The following TOP1MT variants were observed in gnomAD, a reference collection of about 807,000 sequenced individuals.
TOP1MT encodes the protein DNA topoisomerase I, mitochondrial.
In TOP1MT, 80 loss-of-function variants were observed where a neutral mutation model predicts 73.9. The ratio of observed to expected loss-of-function variants is 1.08; its 90% CI spans 0.90 to 1.30. The LOEUF is 1.30. Among genes scored for constraint, TOP1MT ranks in the 50% most tolerant of loss-of-function variants. The probability of loss-of-function intolerance (pLI) is 0.00; values close to 1 mark genes in which losing one functional copy is unlikely to be tolerated. For missense variants in TOP1MT, 815 were observed against 808.0 expected (o/e 1.01, Z -0.10); for synonymous variants, 338 against 326.4 (o/e 1.04, Z -0.38).
intron 11 of TOP1MT, 36 bp from the exon 12 acceptor site, chr8:143,315,857 C>T: frequency 6.2e-7 from 1 of 1,607,720 alleles, no homozygotes; most frequent in Non-Finnish European, 8.5e-7. Flanking sequence ...CTGCCCCTCC[C>T]CATCCCGCAC....
upstream of TOP1MT, among the ~76,000 whole-genome samples, chr8:143,345,808 A>G (rs536988204): frequency 2.2e-4 from 34 of 152,366 alleles, no homozygotes; most frequent in Non-Finnish European, 4.1e-4. Flanking sequence ...GAAGTCCCAC[A>G]AAGCATTTAC....
At chr8:143,356,346 T>C (rs1017943), upstream of TOP1MT, among the ~76,000 whole-genome samples, 34,240 of 152,240 alleles carry the variant, frequency 0.22, 7,273 homozygotes, top group African/African-American at 0.57. Flanking sequence ...TTCTACACCC[T>C]ACACACGACC....
chr8:143,328,637 C>G (rs1816766885), intron 3 of TOP1MT, among the ~76,000 whole-genome samples: 1 of 152,240 alleles, frequency 6.6e-6, no homozygotes, highest in Non-Finnish European at 1.5e-5. Context: ...CATATGTGCC[C>G]TCACCCACGT....
At chr8:143,356,815 C>G (rs547336643), upstream of TOP1MT, among the ~76,000 whole-genome samples, 229 of 138,416 alleles carry the variant, frequency 1.7e-3, 3 homozygotes, top group African/African-American at 6.5e-3. Flanking sequence ...AAAAAAAGAC[C>G]ACATGCAGTG....
At chr8:143,356,301 A>G (rs1017942), upstream of TOP1MT, among the ~76,000 whole-genome samples, 91,806 of 152,110 alleles carry the variant, frequency 0.6, 31,813 homozygotes, top group South Asian at 0.84. Flanking sequence ...CCCAGGATGG[A>G]CAAGCGTGCA....
Position 143,321,421 on chromosome 8 carries a change from G to A in TOP1MT, c.961-35C>T, listed in dbSNP as rs201391645. ...GGGGAATGGTCAAAGTGGGTGGTGC[G>A]TGCACACGCACGCCACACACACGCA... On this transcript the variant is annotated intron_variant, in intron 7 of 13. Coordinates refer to ENST00000329245, the MANE Select transcript of TOP1MT (RefSeq NM_052963.3). 169 of 1,515,324 alleles carry A rather than the reference G, an allele frequency of 1.1e-4. No individual in the cohort carries two copies. In the East Asian group the frequency reaches 2.1e-3, roughly 19 times the overall value. 93.9% of individuals were successfully genotyped at this position (1,515,324 alleles called of 1,614,324 possible).
chr8:143,333,031 G>A lies in TOP1MT; in HGVS notation c.123-1692C>T, dbSNP rs540414894. Among the ~76,000 whole-genome samples, 534 of 152,342 alleles carry A rather than the reference G, an allele frequency of 3.5e-3. 2 individuals carry two copies. Among genetic ancestry groups the A allele is most frequent in the Non-Finnish European group, 5.8e-3 (397 of 68,024 alleles). On this transcript the variant is annotated intron_variant, in intron 1 of 13. Coordinates refer to ENST00000329245, the MANE Select transcript of TOP1MT (RefSeq NM_052963.3). ...GATACAGCATGTCTAGGGTGGGGCT[G>A]GTAGGAGGCTGCACCACTAAGTGCC...
chr8:143,331,583 C>T (rs956309478), intron 1 of TOP1MT, among the ~76,000 whole-genome samples: 3 of 152,198 alleles, frequency 2.0e-5, no homozygotes, highest in Non-Finnish European at 4.4e-5. Context: ...ACGGATCCCA[C>T]CAAGCCCAGC....
chr8:143,322,123 AC>A (rs2130088545), intron 7 of TOP1MT, among the ~76,000 whole-genome samples: 1 of 38,182 alleles, frequency 2.6e-5, no homozygotes, highest in African/African-American at 5.9e-5. Context: ...CACGCCACAC[AC>A]ACAGGCACGC....
At chr8:143,328,730 C>T (rs1255871173) in intron 3 of TOP1MT, among the ~76,000 whole-genome samples, 1 of 152,236 alleles carries the variant, frequency 6.6e-6, no homozygotes, top group East Asian at 1.9e-4. Context: ...AATGGACTAG[C>T]ATGAGTCACG....
At chr8:143,338,584 A>G (rs1207785453), upstream of TOP1MT, among the ~76,000 whole-genome samples, 2 of 152,192 alleles carry the variant, frequency 1.3e-5, no homozygotes, top group African/African-American at 4.8e-5. Flanking sequence ...AAAAAATGTT[A>G]ATTTTAAAAA....
intron 7 of TOP1MT, among the ~76,000 whole-genome samples, chr8:143,321,665 C>CACAG (rs1563758106): frequency 8.9e-6 from 1 of 111,976 alleles, no homozygotes; most frequent in Non-Finnish European, 1.8e-5. Context: ...GCCACACACA[C>CACAG]GCACGCCACA....
At chr8:143,329,288 G>C in intron 3 of TOP1MT, 62 bp downstream of exon 3, 1 of 1,509,328 alleles carries the variant, frequency 6.6e-7, no homozygotes, top group Non-Finnish European at 8.8e-7. Context: ...CAGCACTGCA[G>C]AACCGCAGAC....
intron 1 of TOP1MT, among the ~76,000 whole-genome samples, chr8:143,352,764 A>G (rs1817342484): frequency 6.6e-6 from 1 of 152,154 alleles, no homozygotes; most frequent in African/African-American, 2.4e-5. Flanking sequence ...AGCTGGGACT[A>G]CATGTGCTCA....
At chr8:143,323,775 A>C (rs1458802120) in intron 7 of TOP1MT, among the ~76,000 whole-genome samples, 4 of 150,384 alleles carry the variant, frequency 2.7e-5, no homozygotes, top group Non-Finnish European at 1.5e-5. Context: ...CATGCCACAC[A>C]CAGGCACACC....
rs529506409 is a variant in TOP1MT, at chr8:143,327,763, G to T, written c.361-1419C>A. On this transcript the variant is annotated intron_variant, in intron 3 of 13. Transcript: ENST00000329245. ...GTGAAAGGCAGAGGGGTGGCATCAG[G>T]CCAAAGAAGAGGGTCCAGAAGCGGA... 1.8e-3 allele frequency: 560 copies of T among 306,176 alleles called. 3 individuals are homozygous for T. The highest frequency in any genetic ancestry group is 0.015 in the African/African-American group (505 of 33,802). 19.0% of individuals were successfully genotyped at this position (306,176 alleles called of 1,614,324 possible). A position where few individuals can be genotyped will look rare whatever the true frequency, so the allele number is the denominator to read the frequency against.
At chr8:143,327,707 C>A in intron 3 of TOP1MT, 1 of 404,408 alleles carries the variant, frequency 2.5e-6, no homozygotes, top group South Asian at 1.8e-5. Context: ...ATGAGGATGC[C>A]GGGCAGCTGG....
At chr8:143,345,494 C>T (rs898641712), upstream of TOP1MT, among the ~76,000 whole-genome samples, 8 of 152,236 alleles carry the variant, frequency 5.3e-5, no homozygotes, top group Non-Finnish European at 1.2e-4. Context: ...TGCTGCCACG[C>T]GCGGCTGGGA....
At position 143,309,444 on chromosome 8, in the gene TOP1MT, GAAT is replaced by G. The variant is rs779398707; in HGVS notation, c.1800_1802del (p.Glu600_Phe601delinsAsp). ...GAAGTTTCAACACGGCTCGTCGTTA[GAAT>G]TCAAAGTCTTCTCCTGCCATGGCGA... On this transcript the variant is annotated inframe_deletion, in exon 14 of 14. Transcript: ENST00000329245. 4.6e-5 allele frequency: 74 copies of G among 1,613,456 alleles called. No individual in the cohort carries two copies. In the Middle Eastern group the frequency reaches 9.9e-4, roughly 22 times the overall value.
Sources: allele counts gnomAD v4.1 joint callset (sites outside exome capture counted in the v4.1 genomes callset), GRCh38; gene constraint gnomAD v4.1.1; transcripts MANE v1.5; gene names NCBI Gene and HGNC (gene_info 2026-07-23, HGNC 2026-07-21).